Variants in PCMT1 observed in about 807,000 individuals in gnomAD.
PCMT1 encodes the protein protein-L-isoaspartate(D-aspartate) O-methyltransferase.
A neutral mutation model predicts 29.2 loss-of-function variants in PCMT1; 9 were observed. The observed-to-expected ratio is 0.31, with a 90% CI of 0.19 to 0.54. The LOEUF (loss-of-function observed/expected upper bound fraction) is 0.54, where lower values mean the gene tolerates loss of function less well. Among genes scored for constraint, PCMT1 ranks in the 20% least tolerant of loss-of-function variants. The probability of loss-of-function intolerance (pLI) is 0.95; values close to 1 mark genes in which losing one functional copy is unlikely to be tolerated. For missense variants in PCMT1, 184 were observed against 282.2 expected, an observed-to-expected ratio of 0.65 and a Z score of 2.49; for synonymous variants, 98 against 97.5, an observed-to-expected ratio of 1.00 and a Z score of -0.03.
At chr6:149,759,110 C>T (rs1406597864) in intron 1 of PCMT1, among the ~76,000 whole-genome samples, 2 of 151,998 alleles carry the variant, frequency 1.3e-5, no homozygotes, top group East Asian at 1.9e-4. Flanking sequence ...CTCTTGACCT[C>T]GTGATCTGCC....
At chr6:149,784,667 T>C (rs1398408504) in intron 3 of PCMT1, among the ~76,000 whole-genome samples, 3 of 152,062 alleles carry the variant, frequency 2.0e-5, no homozygotes, top group Non-Finnish European at 4.4e-5. Flanking sequence ...TATCGCTGTG[T>C]TGCCCAGGCT....
At chr6:149,752,259 G>A (rs758286520) in intron 1 of PCMT1, among the ~76,000 whole-genome samples, 9 of 151,678 alleles carry the variant, frequency 5.9e-5, no homozygotes, top group Non-Finnish European at 1.2e-4. Context: ...GTGCAATGGC[G>A]TGATCTTGGC....
intron 3 of PCMT1, among the ~76,000 whole-genome samples, chr6:149,778,859 A>G (rs748024970): frequency 6.6e-5 from 10 of 152,072 alleles, no homozygotes; most frequent in African/African-American, 1.2e-4. Context: ...TTTAAACCAT[A>G]GATTAGGAAT....
chr6:149,773,633 C>A (rs1787432553), intron 3 of PCMT1, among the ~76,000 whole-genome samples: 1 of 152,198 alleles, frequency 6.6e-6, no homozygotes, highest in Admixed American at 6.5e-5. Context: ...CCTGCCTCGG[C>A]CTCCCAAAGT....
intron 1 of PCMT1, among the ~76,000 whole-genome samples, chr6:149,752,202 A>G (rs1432826665): frequency 7.0e-6 from 1 of 143,504 alleles, no homozygotes; most frequent in East Asian, 2.0e-4. Flanking sequence ...AGATGTCAAC[A>G]TTTTTTTTTT....
intron 4 of PCMT1, among the ~76,000 whole-genome samples, chr6:149,791,111 C>T (rs890688909): frequency 6.6e-5 from 10 of 152,222 alleles, no homozygotes; most frequent in South Asian, 4.1e-4. Context: ...GTTTCCCCAC[C>T]GGGCCCTGGG....
intron 7 of PCMT1, chr6:149,802,628 T>G (rs56146391): frequency 0.46 from 205,359 of 449,820 alleles, 50,747 homozygotes; most frequent in African/African-American, 0.8. Flanking sequence ...TGTTTGTTTG[T>G]TTTTTTTTTA....
intron 3 of PCMT1, among the ~76,000 whole-genome samples, chr6:149,788,074 C>T (rs9688897): frequency 0.53 from 80,660 of 151,880 alleles, 24,646 homozygotes; most frequent in East Asian, 0.83. Flanking sequence ...CCCACCACCA[C>T]GCCCAGCTAA....
intron 1 of PCMT1, among the ~76,000 whole-genome samples, chr6:149,751,186 G>T (rs934444514): frequency 1.6e-4 from 24 of 152,234 alleles, no homozygotes; most frequent in African/African-American, 5.8e-4. Flanking sequence ...GCGTGGTGGT[G>T]CCTGCCTGTA....
intron 1 of PCMT1, among the ~76,000 whole-genome samples, chr6:149,754,621 A>T (rs1041093591): frequency 1.3e-5 from 2 of 152,214 alleles, no homozygotes; most frequent in Non-Finnish European, 2.9e-5. Flanking sequence ...AGTTACCCCA[A>T]GTCAACTGAG....
Position 149,802,404 on chromosome 6 carries a change from C to T in PCMT1, c.*25C>T, listed in dbSNP as rs562584727. Reference sequence around the variant, plus strand: ...ATTTTATCTTCTGCTCTTTCTTCTTCCACACATGCAAGGTGAAAGGGTGTG... The same window carrying T: ...ATTTTATCTTCTGCTCTTTCTTCTTTCACACATGCAAGGTGAAAGGGTGTG... On this transcript the variant is annotated 3_prime_UTR_variant, in exon 7 of 8. Coordinates refer to ENST00000464889, the MANE Select transcript of PCMT1 (RefSeq NM_001360452.2). The T allele has an allele frequency of 1.4e-5, 23 of 1,590,284 alleles. No individual in the cohort carries two copies. The South Asian group carries it at 1.5e-4, about 10-fold the overall frequency.
In PCMT1 at chr6:149,809,658, C is replaced by G. The variant is rs569935980; in HGVS notation, c.*38-958C>G. Among the ~76,000 whole-genome samples, 20 of 152,256 alleles carry G rather than the reference C, an allele frequency of 1.3e-4. No individual in the cohort carries two copies. The East Asian group carries it at 1.4e-3, about 10-fold the overall frequency. On this transcript the variant is annotated intron_variant, in intron 7 of 7. Transcript: ENST00000464889. The stretch of plus-strand genomic sequence containing the variant: ...TATTTCTTCTTCCCTTCAAATTTAT[C>G]TTAACAACTTTTTCAAAACTTTTAA...
At chr6:149,774,625 C>G (rs1231333513) in intron 3 of PCMT1, among the ~76,000 whole-genome samples, 1 of 151,336 alleles carries the variant, frequency 6.6e-6, no homozygotes, top group East Asian at 1.9e-4. Flanking sequence ...GCAACCTCCA[C>G]CTCCTAGGTT....
intron 2 of PCMT1, chr6:149,772,680 T>C (rs1044124223): frequency 9.6e-6 from 4 of 415,740 alleles, no homozygotes; most frequent in African/African-American, 4.2e-5. Context: ...AGTACTCTAA[T>C]AGAAGTAAGT....
In PCMT1 at chr6:149,762,962, C is replaced by A. The variant is rs1231591355; in HGVS notation, c.56-8200C>A. 4.8e-4 allele frequency among the ~76,000 whole-genome samples: 26 copies of A among 53,718 alleles called. 9 individuals carry two copies. Among genetic ancestry groups the A allele is most frequent in the Admixed American group, 1.0e-3 (3 of 3,010 alleles). 35.2% of individuals were successfully genotyped at this position (53,718 alleles called of 152,430 possible). ...ATATATATATCTATGATATGTATAT[C>A]TATGATATATATGATATATATATCT... is the stretch of plus-strand genomic sequence containing the variant. On this transcript the variant is annotated intron_variant, in intron 1 of 7. Transcript: ENST00000464889.
chr6:149,785,099 G>A (rs1787968896), intron 3 of PCMT1, among the ~76,000 whole-genome samples: 1 of 150,814 alleles, frequency 6.6e-6, no homozygotes, highest in African/African-American at 2.5e-5. Context: ...ATTGACTAAA[G>A]TAGTTCATTT....
intron 7 of PCMT1, among the ~76,000 whole-genome samples, chr6:149,807,648 G>C (rs1022330108): frequency 2.0e-5 from 3 of 152,296 alleles, no homozygotes; most frequent in Admixed American, 2.0e-4. Flanking sequence ...TGGAATTACA[G>C]GTGTGAGCCA....
intron 5 of PCMT1, among the ~76,000 whole-genome samples, chr6:149,795,934 A>T (rs1488548245): frequency 6.6e-6 from 1 of 152,116 alleles, no homozygotes; most frequent in East Asian, 1.9e-4. Context: ...CTTTAGAGTG[A>T]GTCACGTGCA....
chr6:149,750,026 G>A (rs1366335256), intron 1 of PCMT1, 70 bp downstream of exon 1: 2 of 1,509,430 alleles, frequency 1.3e-6, no homozygotes, highest in Non-Finnish European at 1.8e-6. Flanking sequence ...CCCCTGGGCC[G>A]TCCGGAACGT....
Sources: allele counts gnomAD v4.1 joint callset (sites outside exome capture counted in the v4.1 genomes callset), GRCh38; gene constraint gnomAD v4.1.1; transcripts MANE v1.5; gene names NCBI Gene and HGNC (gene_info 2026-07-23, HGNC 2026-07-21).